The following SFR1 variants were observed in gnomAD, a reference collection of about 807,000 sequenced individuals.
SFR1 encodes SWI5 dependent homologous recombination repair protein 1.
In SFR1, 24 loss-of-function variants were observed where a neutral mutation model predicts 26.2. The ratio of observed to expected loss-of-function variants is 0.92; its 90% CI spans 0.66 to 1.29. SFR1 has a LOEUF of 1.29. Among genes scored for constraint, SFR1 ranks in the 50% most tolerant of loss-of-function variants. SFR1 has a pLI of 0.00. For synonymous variants in SFR1, 77 were observed against 96.6 expected (o/e 0.80, Z 1.19); for missense variants, 276 against 270.2 (o/e 1.02, Z -0.15).
chr10:104,121,945 G>T, upstream of SFR1: 1 of 513,042 alleles, frequency 1.9e-6, no homozygotes, highest in Non-Finnish European at 3.4e-6. Context: ...GCGCGCACCG[G>T]TTAATTCTGC....
rs148978960 is a variant in SFR1, at chr10:104,124,114, A to G, written c.536A>G (p.Tyr179Cys). The change falls in exon 3 of 4, where the codon TAT (tyrosine) becomes TGT (cysteine). Residue 179 changes from tyrosine (Y) to cysteine (C), a missense_variant. By Grantham distance (194) the Tyr-to-Cys change is radical. Coordinates refer to ENST00000369727, the MANE Select transcript of SFR1 (RefSeq NM_001002759.2). Reference sequence around the variant, plus strand: ...CGGAGGCTAAAACTAGTCAAAATGTATAGATCAAAGGTGAGAAGAATTTCA... The same window carrying G: ...CGGAGGCTAAAACTAGTCAAAATGTGTAGATCAAAGGTGAGAAGAATTTCA... ...LLRRLKLVKM[Y>C]RSKNDLSQLQ... The G allele has an allele frequency of 6.9e-6, 11 of 1,601,640 alleles. No individual in the cohort carries two copies. Among genetic ancestry groups the G allele is most frequent in the Admixed American group, 3.5e-5 (2 of 56,996 alleles).
intron 2 of SFR1, chr10:104,123,366 A>G: frequency 2.5e-6 from 1 of 400,386 alleles, no homozygotes; most frequent in South Asian, 5.3e-5. Context: ...CAATATTATT[A>G]TGAAGGTCTT....
rs141276740 is a variant in SFR1 at position 104,125,402 on chromosome 10, A to T, written c.547-111A>T. On this transcript the variant is annotated intron_variant, in intron 3 of 3. Transcript: ENST00000369727. ...TTTTTCCTAGATAGAAGTCCCATTCATCCCTGTGTATGTTAGCCTTTAAAC... is the reference window on the plus strand; with the variant it reads ...TTTTTCCTAGATAGAAGTCCCATTCTTCCCTGTGTATGTTAGCCTTTAAAC... The T allele has an allele frequency of 1.2e-3, 943 of 759,382 alleles. 5 individuals are homozygous for T. In the African/African-American group the frequency reaches 0.015, roughly 12 times the overall value. 47.0% of individuals were successfully genotyped at this position (759,382 alleles called of 1,614,324 possible). A position where few individuals can be genotyped will look rare whatever the true frequency, so the allele number is the denominator to read the frequency against.
upstream of SFR1, chr10:104,122,062 G>T: frequency 2.5e-6 from 3 of 1,210,228 alleles, no homozygotes; most frequent in South Asian, 1.3e-5. Context: ...GAGTGAAGCG[G>T]CGCCTCGCGC....
chr10:104,121,727 G>A (rs1483111030), upstream of SFR1, among the ~76,000 whole-genome samples: 3 of 152,202 alleles, frequency 2.0e-5, no homozygotes, highest in Admixed American at 6.5e-5. Context: ...GGCACTTTCA[G>A]GCGCACTTCA....
upstream of SFR1, chr10:104,122,034 C>A: frequency 4.2e-6 from 4 of 944,164 alleles, no homozygotes; most frequent in Admixed American, 2.2e-5. Flanking sequence ...GCGCGCAGTC[C>A]CACCGCTCTG....
intron 1 of SFR1, 176 bp downstream of exon 1, chr10:104,122,372 C>T: frequency 1.0e-6 from 1 of 985,386 alleles, no homozygotes; most frequent in Non-Finnish European, 1.2e-6. Context: ...ACGACTCCCG[C>T]CCCTAGTTTA....
At chr10:104,125,482 A>G (rs761641949) in intron 3 of SFR1, 31 bp from the exon 4 acceptor site, 1 of 1,557,596 alleles carries the variant, frequency 6.4e-7, no homozygotes, top group Non-Finnish European at 8.8e-7. Context: ...ATGACTAGTT[A>G]TTGACATACA....
Position 104,126,003 on chromosome 10 carries a change from T to C in SFR1, c.*299T>C. On this transcript the variant is annotated 3_prime_UTR_variant, in exon 4 of 4. Transcript: ENST00000369727. ...CTGGTCTCGAACTCCTGACCTCAGG[T>C]GATCCACCGCCTAGGCCTCCCAAAA... 1 of 196,206 alleles carries C rather than the reference T, an allele frequency of 5.1e-6. No homozygotes were observed. Among genetic ancestry groups the C allele is most frequent in the Non-Finnish European group, 1.1e-5 (1 of 94,980 alleles). 12.2% of individuals were successfully genotyped at this position (196,206 alleles called of 1,614,324 possible).
intron 1 of SFR1, 68 bp downstream of exon 1, chr10:104,122,264 A>G: frequency 6.8e-7 from 1 of 1,480,616 alleles, no homozygotes. Context: ...TGTGGAGTCG[A>G]GTTGAGCTCC....
rs1183720157 is a variant in SFR1 at position 104,122,190 on chromosome 10, G to C, written c.7G>C (p.Glu3Gln). ...TTTTTTGCTCTCGCTGGGAATGGCG[G>C]AGGGAGGTACCCTGCTGAGGGGAAG... MAEGEKNQDFTFK... is the reference protein window; with the variant it reads MAQGEKNQDFTFK... Residue 3 changes from glutamate to glutamine, a missense_variant, in exon 1 of 4, where the codon GAG (glutamate) becomes CAG (glutamine). Glu to Gln is a conservative substitution (Grantham distance 29). Coordinates refer to ENST00000369727, the MANE Select transcript of SFR1 (RefSeq NM_001002759.2). 3 of 1,547,252 alleles carry C rather than the reference G, an allele frequency of 1.9e-6. No individual in the cohort carries two copies. Among genetic ancestry groups the C allele is most frequent in the Admixed American group, 3.9e-5 (2 of 50,850 alleles).
Position 104,123,694 on chromosome 10 carries a change from A to G in SFR1, c.136-20A>G, listed in dbSNP as rs149846040. 17 of 1,516,608 alleles carry G rather than the reference A, an allele frequency of 1.1e-5. No homozygotes were observed. Among genetic ancestry groups the G allele is most frequent in the Middle Eastern group, 3.5e-4 (2 of 5,692 alleles). 93.9% of individuals were successfully genotyped at this position (1,516,608 alleles called of 1,614,324 possible). ...ATGTTTTTCTTGATTCACATTTTTA[A>G]TGTTTTGTGCTCTTTATAGCCTATG... On this transcript the variant is annotated intron_variant, in intron 2 of 3. Coordinates refer to ENST00000369727, the MANE Select transcript of SFR1 (RefSeq NM_001002759.2).
At chr10:104,122,722 A>G (rs1169111205) in intron 1 of SFR1, 2 of 1,405,456 alleles carry the variant, frequency 1.4e-6, no homozygotes, top group African/African-American at 2.9e-5. Flanking sequence ...AAACGAAAAC[A>G]AGGAGAGTCT....
intron 1 of SFR1, 140 bp downstream of exon 1, chr10:104,122,336 CTT>C (rs2086973170): frequency 7.2e-7 from 1 of 1,393,552 alleles, no homozygotes; most frequent in Admixed American, 3.3e-5. Flanking sequence ...AACTAGTGGG[CTT>C]TCTGCAACGG....
chr10:104,123,258 C>T, intron 2 of SFR1, 172 bp downstream of exon 2: 1 of 529,746 alleles, frequency 1.9e-6, no homozygotes, highest in Non-Finnish European at 3.3e-6. Context: ...ATGACACCCA[C>T]CAGCCCCCTT....
chr10:104,122,077 G>C, upstream of SFR1: 1 of 1,342,760 alleles, frequency 7.4e-7, no homozygotes, highest in South Asian at 1.3e-5. Context: ...TCGCGCGTCA[G>C]GCAATCTGGC....
chr10:104,126,079 T>C lies in SFR1; in HGVS notation c.*375T>C, dbSNP rs2087024742. On this transcript the variant is annotated 3_prime_UTR_variant, in exon 4 of 4. Coordinates refer to ENST00000369727, the MANE Select transcript of SFR1 (RefSeq NM_001002759.2). Reference sequence around the variant, plus strand: ...CCAATGAATATCAATTAAGGGCACTTTAATATATAAATTATAAACTAAGTT... The same window carrying C: ...CCAATGAATATCAATTAAGGGCACTCTAATATATAAATTATAAACTAAGTT... The C allele has an allele frequency of 6.5e-6, 1 of 153,352 alleles. No individual in the cohort carries two copies. Among genetic ancestry groups the C allele is most frequent in the Non-Finnish European group, 1.5e-5 (1 of 68,764 alleles). 9.5% of individuals were successfully genotyped at this position (153,352 alleles called of 1,614,324 possible).
Position 104,122,900 on chromosome 10 carries a change from T to G in SFR1, c.14-65T>G, listed in dbSNP as rs757222188. 3.8e-6 allele frequency: 6 copies of G among 1,593,182 alleles called. No homozygotes were observed. In the Admixed American group the frequency reaches 6.7e-5, roughly 18 times the overall value. On this transcript the variant is annotated intron_variant, in intron 1 of 3. Transcript: ENST00000369727. Reference sequence around the variant, plus strand: ...CTTTGTACACCAATACAATATATTATTTGATAAAAGTCGACTATAGAGAGG... The same window carrying G: ...CTTTGTACACCAATACAATATATTAGTTGATAAAAGTCGACTATAGAGAGG...
chr10:104,122,176 C>G lies in SFR1; in HGVS notation c.-8C>G, dbSNP rs753184615. 4 of 1,549,078 alleles carry G rather than the reference C, an allele frequency of 2.6e-6. No individual in the cohort carries two copies. The highest frequency in any genetic ancestry group is 4.9e-5 in the East Asian group (2 of 40,794). ...GCAGGTGCGCGCGCTTTTTTGCTCT[C>G]GCTGGGAATGGCGGAGGGAGGTACC... On this transcript the variant is annotated 5_prime_UTR_variant, in exon 1 of 4. Transcript: ENST00000369727.
Sources: allele counts gnomAD v4.1 joint callset (sites outside exome capture counted in the v4.1 genomes callset), GRCh38; gene constraint gnomAD v4.1.1; transcripts MANE v1.5; gene names NCBI Gene and HGNC (gene_info 2026-07-23, HGNC 2026-07-21).